ARL15: variants seen among roughly 807,000 people sequenced by gnomAD.
The protein encoded by ARL15 is ADP-ribosylation factor-like protein 15.
ARL15 carries 19 observed loss-of-function variants against 25.2 expected under a neutral mutation model. That is an observed-to-expected ratio of 0.75 (90% confidence interval 0.53 to 1.10). ARL15 has a LOEUF of 1.10. Ranked by LOEUF, ARL15 falls within the 50% of genes least tolerant of loss-of-function variation. The pLI is 0.00. For synonymous variants in ARL15, 94 were observed against 86.8 expected, an observed-to-expected ratio of 1.08 and a Z score of -0.46; for missense variants, 220 against 246.0, an observed-to-expected ratio of 0.89 and a Z score of 0.71.
chr5:54,195,671 A>G (rs1229228526), intron 1 of ARL15, among the ~76,000 whole-genome samples: 1 of 152,188 alleles, frequency 6.6e-6, no homozygotes, highest in African/African-American at 2.4e-5. Context: ...ACCCTCCTAG[A>G]GATGATCAGT....
chr5:54,279,190 A>G (rs1757993089), intron 1 of ARL15, among the ~76,000 whole-genome samples: 2 of 149,300 alleles, frequency 1.3e-5, no homozygotes, highest in Middle Eastern at 3.4e-3. Context: ...TCTTTGCAAC[A>G]GGAGCTAATA....
intron 4 of ARL15, chr5:54,047,908 A>G (rs989357067): frequency 3.3e-5 from 5 of 152,296 alleles, no homozygotes; most frequent in East Asian, 1.9e-4. Flanking sequence ...AATTTACCCT[A>G]TATCTTTCTC....
At chr5:54,263,983 T>C (rs1295270458) in intron 1 of ARL15, among the ~76,000 whole-genome samples, 2 of 152,100 alleles carry the variant, frequency 1.3e-5, no homozygotes, top group Non-Finnish European at 2.9e-5. Flanking sequence ...CATTTTTACC[T>C]CTACCAACTC....
At chr5:53,972,502 T>C (rs953218101) in intron 4 of ARL15, among the ~76,000 whole-genome samples, 4 of 152,218 alleles carry the variant, frequency 2.6e-5, no homozygotes, top group South Asian at 4.1e-4. Flanking sequence ...CGGGTCTTAG[T>C]ACAGATATCT....
chr5:54,293,864 C>G (rs1758402772), intron 1 of ARL15, among the ~76,000 whole-genome samples: 1 of 152,092 alleles, frequency 6.6e-6, no homozygotes, highest in African/African-American at 2.4e-5. Flanking sequence ...AAGTCTCACT[C>G]TGTCGCCAGG....
chr5:54,083,132 T>C lies in ARL15; in HGVS notation c.462+30070A>G, dbSNP rs1028191404. Among the ~76,000 whole-genome samples, 6 of 152,310 alleles carry C rather than the reference T, an allele frequency of 3.9e-5. No homozygotes were observed. In the South Asian group the frequency reaches 6.2e-4, roughly 16 times the overall value. Reference sequence around the variant, plus strand: ...GTTATGTTTGACAATGGGGCTTAATTTACCAAGGAAGAAATAACCATGACG... The same window carrying C: ...GTTATGTTTGACAATGGGGCTTAATCTACCAAGGAAGAAATAACCATGACG... On this transcript the variant is annotated intron_variant, in intron 4 of 4. Coordinates refer to ENST00000504924, the MANE Select transcript of ARL15 (RefSeq NM_019087.3).
At chr5:54,023,798 T>A (rs1236130257) in intron 4 of ARL15, among the ~76,000 whole-genome samples, 1 of 152,200 alleles carries the variant, frequency 6.6e-6, no homozygotes, top group South Asian at 2.1e-4. Flanking sequence ...TGAGTTTTCA[T>A]TAACTGAACT....
At chr5:54,146,056 C>A (rs1753901126) in intron 3 of ARL15, among the ~76,000 whole-genome samples, 2 of 152,110 alleles carry the variant, frequency 1.3e-5, no homozygotes, top group East Asian at 1.9e-4. Flanking sequence ...ACAGGACTTA[C>A]CACACCAGAC....
intron 4 of ARL15, among the ~76,000 whole-genome samples, chr5:54,107,024 G>A (rs1752608353): frequency 6.6e-6 from 1 of 152,100 alleles, no homozygotes; most frequent in Non-Finnish European, 1.5e-5. Flanking sequence ...TGGGAAGAAA[G>A]AGAGGTTTAA....
At chr5:54,140,417 CAGAT>C (rs57386310) in intron 3 of ARL15, among the ~76,000 whole-genome samples, 31,229 of 145,090 alleles carry the variant, frequency 0.22, 3,452 homozygotes, top group African/African-American at 0.26. Flanking sequence ...TGTGGATAGA[CAGAT>C]AGATAGATAG....
At chr5:54,195,275 T>A (rs1364738719) in intron 1 of ARL15, among the ~76,000 whole-genome samples, 1 of 152,146 alleles carries the variant, frequency 6.6e-6, no homozygotes, top group South Asian at 2.1e-4. Flanking sequence ...TCAGACATCA[T>A]CAATGAAAAT....
chr5:54,159,667 G>A (rs887022208), intron 2 of ARL15, among the ~76,000 whole-genome samples: 4 of 152,116 alleles, frequency 2.6e-5, no homozygotes, highest in African/African-American at 4.8e-5. Context: ...CCTAAGTTAC[G>A]CAGTCATTTT....
intron 1 of ARL15, among the ~76,000 whole-genome samples, chr5:54,205,245 G>A (rs1755835754): frequency 6.6e-6 from 1 of 152,060 alleles, no homozygotes; most frequent in African/African-American, 2.4e-5. Context: ...ACTCCCCTGG[G>A]AGGTATACAC....
intron 4 of ARL15, among the ~76,000 whole-genome samples, chr5:54,054,411 TAAAC>T (rs1333771146): frequency 6.6e-6 from 1 of 151,846 alleles, no homozygotes; most frequent in African/African-American, 2.4e-5. Flanking sequence ...CCCAAATAAA[TAAAC>T]AGTGGTATAG....
intron 1 of ARL15, among the ~76,000 whole-genome samples, chr5:54,261,881 A>G (rs1215763614): frequency 6.6e-6 from 1 of 152,172 alleles, no homozygotes; most frequent in Non-Finnish European, 1.5e-5. Flanking sequence ...CATCAAATTG[A>G]AGTTTCACAT....
intron 1 of ARL15, among the ~76,000 whole-genome samples, chr5:54,236,675 A>T (rs1330345263): frequency 6.6e-6 from 1 of 152,260 alleles, no homozygotes; most frequent in Non-Finnish European, 1.5e-5. Flanking sequence ...ATAATGTGCC[A>T]GTGTTTCACT....
At chr5:54,044,127 AGATGTGCCTTTAACAT>A (rs1454426174) in intron 4 of ARL15, among the ~76,000 whole-genome samples, 1 of 152,214 alleles carries the variant, frequency 6.6e-6, no homozygotes, top group Non-Finnish European at 1.5e-5. Context: ...TAAGCACATT[AGATGTGCCTTTAACAT>A]ACAAAAGTTT....
At chr5:54,037,292 C>T (rs534562813) in intron 4 of ARL15, among the ~76,000 whole-genome samples, 1 of 151,862 alleles carries the variant, frequency 6.6e-6, no homozygotes, top group East Asian at 1.9e-4. Context: ...TATTAAGTTT[C>T]CAGGAAATAT....
chr5:54,208,736 C>T (rs1235617842), intron 1 of ARL15, among the ~76,000 whole-genome samples: 1 of 152,028 alleles, frequency 6.6e-6, no homozygotes, highest in African/African-American at 2.4e-5. Flanking sequence ...AGCTAAAGAA[C>T]ACAAAGACCT....
Sources: gnomAD v4.1 joint callset for allele counts (sites outside exome capture counted in the v4.1 genomes callset) on GRCh38, gnomAD v4.1.1 for gene constraint, MANE v1.5 for transcripts, NCBI Gene and HGNC (gene_info 2026-07-23, HGNC 2026-07-21) for gene names.